SGCD: variants seen among roughly 807,000 people sequenced by gnomAD.
The protein encoded by SGCD is sarcoglycan delta, also known as delta-sarcoglycan.
A neutral mutation model predicts 36.6 loss-of-function variants in SGCD; 18 were observed. The observed-to-expected ratio is 0.49, with a 90% CI of 0.34 to 0.73. The LOEUF is 0.73. Ranked by LOEUF, SGCD falls within the 30% of genes least tolerant of loss-of-function variation. SGCD has a pLI of 0.01. For synonymous variants in SGCD, 133 were observed against 130.6 expected (o/e 1.02, Z -0.12); for missense variants, 387 against 346.7 (o/e 1.12, Z -0.92).
chr5:156,695,124 GTGTGTGTGTGTGTT>G (rs1754256175), intron 7 of SGCD, among the ~76,000 whole-genome samples: 2 of 118,754 alleles, frequency 1.7e-5, no homozygotes, highest in South Asian at 3.3e-4. Flanking sequence ...GTGTGTGTGT[GTGTGTGTGTGTGTT>G]TGTGTGTGTG....
the SGCD span, among the ~76,000 whole-genome samples, chr5:155,803,949 T>C: frequency 6.6e-6 from 1 of 152,166 alleles, no homozygotes; most frequent in African/African-American, 2.4e-5. Context: ...AACATGGTGA[T>C]TTTATGTAAT....
intron 1 of SGCD, among the ~76,000 whole-genome samples, chr5:155,907,435 T>G (rs1490604177): frequency 1.3e-5 from 2 of 152,172 alleles, no homozygotes; most frequent in Non-Finnish European, 2.9e-5. Context: ...TGGTGACTTC[T>G]CTGATCGATC....
intron 3 of SGCD, among the ~76,000 whole-genome samples, chr5:156,314,744 G>A (rs998508072): frequency 6.6e-6 from 1 of 152,026 alleles, no homozygotes; most frequent in Admixed American, 6.6e-5. Flanking sequence ...CATAGAACTG[G>A]GTAAAGAGGG....
the SGCD span, among the ~76,000 whole-genome samples, chr5:155,785,242 T>C: frequency 6.6e-6 from 1 of 152,212 alleles, no homozygotes; most frequent in Non-Finnish European, 1.5e-5. Context: ...GATCTATCAG[T>C]TTGTCTCTCT....
chr5:156,581,504 T>C (rs1279099941), intron 4 of SGCD, among the ~76,000 whole-genome samples: 1 of 152,224 alleles, frequency 6.6e-6, no homozygotes, highest in Non-Finnish European at 1.5e-5. Flanking sequence ...TGCCTTTTTT[T>C]CAGCTATACC....
chr5:155,776,356 C>T, the SGCD span, among the ~76,000 whole-genome samples: 1 of 152,070 alleles, frequency 6.6e-6, no homozygotes, highest in African/African-American at 2.4e-5. Context: ...GCCTCATTTT[C>T]CTTATCTGCA....
chr5:156,000,548 C>A (rs10041446), intron 1 of SGCD, among the ~76,000 whole-genome samples: 46,171 of 151,920 alleles, frequency 0.3, 7,355 homozygotes, highest in African/African-American at 0.41. Flanking sequence ...GAAACTAATC[C>A]AAGAAAATAT....
chr5:156,113,916 C>G (rs756741195), intron 1 of SGCD, among the ~76,000 whole-genome samples: 25 of 152,028 alleles, frequency 1.6e-4, no homozygotes, highest in South Asian at 4.1e-4. Context: ...TCTGTAAAGT[C>G]TGTATGCTAT....
chr5:156,421,335 G>C (rs1773299231), intron 3 of SGCD, among the ~76,000 whole-genome samples: 1 of 152,194 alleles, frequency 6.6e-6, no homozygotes, highest in Non-Finnish European at 1.5e-5. Flanking sequence ...ATACATTCGA[G>C]TGACACTTTG....
At chr5:156,639,507 C>T (rs764754528) in intron 6 of SGCD, among the ~76,000 whole-genome samples, 9 of 152,296 alleles carry the variant, frequency 5.9e-5, no homozygotes, top group Middle Eastern at 3.4e-3. Flanking sequence ...TACTAACCAC[C>T]GCTAGGCCTT....
intron 3 of SGCD, among the ~76,000 whole-genome samples, chr5:156,471,164 A>G (rs75332027): frequency 1.2e-3 from 183 of 152,340 alleles, no homozygotes; most frequent in African/African-American, 4.2e-3. Context: ...CTATTAAAAG[A>G]CATAATTAAA....
At chr5:155,955,988 A>C (rs1757641984) in intron 1 of SGCD, among the ~76,000 whole-genome samples, 1 of 152,092 alleles carries the variant, frequency 6.6e-6, no homozygotes, top group Admixed American at 6.6e-5. Flanking sequence ...TTCAAAGGAG[A>C]AGGAGTCAGT....
At chr5:156,535,067 A>G (rs1758044813) in intron 4 of SGCD, among the ~76,000 whole-genome samples, 1 of 152,242 alleles carries the variant, frequency 6.6e-6, no homozygotes, top group Non-Finnish European at 1.5e-5. Flanking sequence ...CAATTAAAAT[A>G]AAAATCTCTT....
At chr5:156,728,948 A>T (rs1399254654) in intron 7 of SGCD, among the ~76,000 whole-genome samples, 4 of 152,208 alleles carry the variant, frequency 2.6e-5, no homozygotes, top group African/African-American at 9.7e-5. Flanking sequence ...TACATCTGTA[A>T]TTAATGCAGT....
At chr5:156,593,832 A>G (rs1439317361) in intron 5 of SGCD, among the ~76,000 whole-genome samples, 3 of 152,180 alleles carry the variant, frequency 2.0e-5, no homozygotes, top group South Asian at 4.1e-4. Context: ...TTATTAAGTG[A>G]CACTCTTTTG....
the SGCD span, among the ~76,000 whole-genome samples, chr5:155,818,553 C>T: frequency 2.0e-5 from 3 of 152,178 alleles, no homozygotes; most frequent in Non-Finnish European, 2.9e-5. Flanking sequence ...TAGAGTCTCA[C>T]GTTGGCATCC....
intron 6 of SGCD, among the ~76,000 whole-genome samples, chr5:156,601,060 T>C (rs1025292171): frequency 2.6e-5 from 4 of 152,204 alleles, no homozygotes; most frequent in African/African-American, 9.7e-5. Flanking sequence ...TCCTGTCAGA[T>C]GTATAGTTTG....
At chr5:156,275,558 G>A (rs1395447333) in intron 3 of SGCD, among the ~76,000 whole-genome samples, 2 of 152,122 alleles carry the variant, frequency 1.3e-5, no homozygotes, top group Non-Finnish European at 2.9e-5. Flanking sequence ...GCATTAATGA[G>A]TGGCAGTCTT....
intron 3 of SGCD, among the ~76,000 whole-genome samples, chr5:156,195,623 A>T (rs962163799): frequency 6.6e-6 from 1 of 152,092 alleles, no homozygotes; most frequent in Non-Finnish European, 1.5e-5. Context: ...TTCTATGCGT[A>T]TGGATACATA....
Sources: allele counts gnomAD v4.1 joint callset (sites outside exome capture counted in the v4.1 genomes callset), GRCh38; gene constraint gnomAD v4.1.1; transcripts MANE v1.5; gene names NCBI Gene and HGNC (gene_info 2026-07-23, HGNC 2026-07-21).